The following ANKRD13C variants were observed in gnomAD, a reference collection of about 807,000 sequenced individuals.
ANKRD13C encodes ankyrin repeat domain-containing protein 13C.
In ANKRD13C, 16 loss-of-function variants were observed where a neutral mutation model predicts 65.5. The observed-to-expected ratio is 0.24, with a 90% CI of 0.17 to 0.37. The LOEUF is 0.37. Among genes scored for constraint, ANKRD13C ranks in the 10% least tolerant of loss-of-function variants. The pLI is 1.00. For missense variants in ANKRD13C, 503 were observed against 655.9 expected, an observed-to-expected ratio of 0.77 and a Z score of 2.55; for synonymous variants, 235 against 238.7, an observed-to-expected ratio of 0.98 and a Z score of 0.14.
At chr1:70,315,408 TAAG>T in intron 4 of ANKRD13C, 70 bp downstream of exon 4, 1 of 1,317,652 alleles carries the variant, frequency 7.6e-7, no homozygotes, top group Non-Finnish European at 1.1e-6. Flanking sequence ...TAAGTTGTAT[TAAG>T]AAAAAAATGC....
intron 5 of ANKRD13C, among the ~76,000 whole-genome samples, chr1:70,308,555 C>T (rs1439991205): frequency 6.6e-6 from 1 of 151,612 alleles, no homozygotes; most frequent in African/African-American, 2.4e-5. Flanking sequence ...CTGGCTAACA[C>T]GGTGAAACCC....
At chr1:70,263,911 T>G (rs1433519883) in intron 12 of ANKRD13C, among the ~76,000 whole-genome samples, 4 of 152,208 alleles carry the variant, frequency 2.6e-5, no homozygotes, top group African/African-American at 9.6e-5. Flanking sequence ...AAGCTAGTAT[T>G]TTATTGCAGA....
At chr1:70,299,853 T>C (rs1017777805) in intron 7 of ANKRD13C, among the ~76,000 whole-genome samples, 2 of 152,206 alleles carry the variant, frequency 1.3e-5, no homozygotes, top group Non-Finnish European at 2.9e-5. Context: ...CACAAACATA[T>C]ATTTGTAAAT....
intron 5 of ANKRD13C, among the ~76,000 whole-genome samples, chr1:70,308,584 A>G (rs1293976016): frequency 6.6e-6 from 1 of 151,784 alleles, no homozygotes; most frequent in Non-Finnish European, 1.5e-5. Context: ...CTAAAAATAG[A>G]AAAAATTAGC....
intron 12 of ANKRD13C, among the ~76,000 whole-genome samples, chr1:70,268,179 C>G (rs4649913): frequency 0.16 from 23,966 of 151,842 alleles, 2,623 homozygotes; most frequent in African/African-American, 0.3. Context: ...CTTCCCCGCC[C>G]CCACCTTGAG....
chr1:70,342,024 G>C (rs1682332176), intron 1 of ANKRD13C, among the ~76,000 whole-genome samples: 1 of 151,728 alleles, frequency 6.6e-6, no homozygotes, highest in South Asian at 2.1e-4. Context: ...GTAAGAAGTG[G>C]TGAAACAAAG....
At chr1:70,308,651 A>G (rs190705101) in intron 5 of ANKRD13C, among the ~76,000 whole-genome samples, 1 of 150,470 alleles carries the variant, frequency 6.6e-6, no homozygotes, top group African/African-American at 2.4e-5. Context: ...AGGCAGGAGA[A>G]TGGCGTGAAC....
intron 1 of ANKRD13C, among the ~76,000 whole-genome samples, chr1:70,347,422 G>C (rs574014074): frequency 6.5e-4 from 99 of 152,286 alleles, no homozygotes; most frequent in Non-Finnish European, 1.2e-3. Flanking sequence ...ACTTGGGGCA[G>C]CTATCCTACC....
chr1:70,346,813 C>A lies in ANKRD13C; in HGVS notation c.430+7166G>T, dbSNP rs377338484. Among the ~76,000 whole-genome samples the A allele has an allele frequency of 9.2e-5, 14 of 152,200 alleles. No individual in the cohort carries two copies. The East Asian group carries it at 2.3e-3, about 25-fold the overall frequency. Reference sequence around the variant, plus strand: ...CCTTTTAAAATCAAATTGTGTCGGGCGGGCGCGGTGGCTCACGCCTGTAAT... The same window carrying A: ...CCTTTTAAAATCAAATTGTGTCGGGAGGGCGCGGTGGCTCACGCCTGTAAT... On this transcript the variant is annotated intron_variant, in intron 1 of 12. Coordinates refer to ENST00000370944, the MANE Select transcript of ANKRD13C (RefSeq NM_030816.5).
Position 70,300,854 on chromosome 1 carries a change from T to G in ANKRD13C, c.831A>C (p.Leu277=). Residue 277 remains leucine, a synonymous_variant, in exon 7 of 13, where the codon CTA becomes CTC. Transcript: ENST00000370944. The stretch of plus-strand genomic sequence containing the variant: ...CCGCATCCCCATTGAAAATGAAGCT[T>G]AGATCCCCTCGTTGGCACTTCATGT... ...FTDMKCQRGD[L]SFIFNGDAAP... 1 of 1,613,756 alleles carries G rather than the reference T, an allele frequency of 6.2e-7. No individual in the cohort carries two copies.
chr1:70,294,060 G>A (rs1558278473), intron 8 of ANKRD13C, among the ~76,000 whole-genome samples: 1 of 152,154 alleles, frequency 6.6e-6, no homozygotes, highest in East Asian at 1.9e-4. Flanking sequence ...CTATGCAATT[G>A]CTAAAAAGAG....
chr1:70,325,550 T>C (rs1021220716), intron 2 of ANKRD13C, among the ~76,000 whole-genome samples: 1 of 152,220 alleles, frequency 6.6e-6, no homozygotes, highest in Non-Finnish European at 1.5e-5. Context: ...GGTATAGACC[T>C]TTCTATAGGT....
chr1:70,269,689 G>C (rs1196235817), intron 12 of ANKRD13C, among the ~76,000 whole-genome samples: 1 of 148,828 alleles, frequency 6.7e-6, no homozygotes, highest in Non-Finnish European at 1.5e-5. Context: ...AGGGCAACTA[G>C]AGTGACATTT....
chr1:70,267,789 T>C (rs538348167), intron 12 of ANKRD13C, among the ~76,000 whole-genome samples: 2 of 152,290 alleles, frequency 1.3e-5, no homozygotes, highest in African/African-American at 2.4e-5. Flanking sequence ...ACAGCTTCTA[T>C]AGTGGCTGCT....
intron 9 of ANKRD13C, among the ~76,000 whole-genome samples, chr1:70,286,936 G>A (rs1679648437): frequency 6.6e-6 from 1 of 152,140 alleles, no homozygotes; most frequent in Non-Finnish European, 1.5e-5. Flanking sequence ...AGTGAGCTGA[G>A]ATCGTGCCAC....
intron 3 of ANKRD13C, among the ~76,000 whole-genome samples, chr1:70,321,730 C>T (rs912518453): frequency 3.3e-5 from 5 of 152,180 alleles, no homozygotes; most frequent in African/African-American, 1.2e-4. Flanking sequence ...CACTGTTTAC[C>T]AGGTAACCAC....
chr1:70,334,551 CAGG>C (rs1681936340), intron 2 of ANKRD13C, among the ~76,000 whole-genome samples: 1 of 152,076 alleles, frequency 6.6e-6, no homozygotes, highest in Non-Finnish European at 1.5e-5. Context: ...CACTTGAGCT[CAGG>C]AGTTCTCAAG....
At chr1:70,353,423 G>GT (rs1334377323) in intron 1 of ANKRD13C, among the ~76,000 whole-genome samples, 2 of 152,054 alleles carry the variant, frequency 1.3e-5, no homozygotes, top group African/African-American at 4.8e-5. Flanking sequence ...ACTGTTCTAC[G>GT]TATCAAATAC....
At chr1:70,265,182 C>T (rs1678561335) in intron 12 of ANKRD13C, among the ~76,000 whole-genome samples, 1 of 152,066 alleles carries the variant, frequency 6.6e-6, no homozygotes, top group South Asian at 2.1e-4. Flanking sequence ...AGTACTATAA[C>T]TGGAGTTTTG....
Sources: allele counts gnomAD v4.1 joint callset (sites outside exome capture counted in the v4.1 genomes callset), GRCh38; gene constraint gnomAD v4.1.1; transcripts MANE v1.5; gene names NCBI Gene and HGNC (gene_info 2026-07-23, HGNC 2026-07-21).